Variants in PSMD12 observed in about 807,000 individuals in gnomAD.
PSMD12 encodes the protein 26S proteasome non-ATPase regulatory subunit 12.
In PSMD12, 8 loss-of-function variants were observed where a neutral mutation model predicts 62.9. The observed-to-expected ratio is 0.13, with a 90% CI of 0.07 to 0.23. PSMD12 has a LOEUF of 0.23. Ranked by LOEUF, PSMD12 falls within the 10% of genes least tolerant of loss-of-function variation. PSMD12 has a pLI of 1.00. For synonymous variants in PSMD12, 173 were observed against 187.4 expected, an observed-to-expected ratio of 0.92 and a Z score of 0.63; for missense variants, 424 against 550.2, an observed-to-expected ratio of 0.77 and a Z score of 2.29.
At chr17:67,362,882 T>C (rs916412666) in intron 1 of PSMD12, 1 of 152,084 alleles carries the variant, frequency 6.6e-6, no homozygotes, top group Non-Finnish European at 1.5e-5. Flanking sequence ...TCAATACCTA[T>C]AAAGGCATGC....
Position 67,340,477 on chromosome 17 carries a change from A to C in PSMD12, c.*366T>G, listed in dbSNP as rs1308844551. 1 of 160,478 alleles carries C rather than the reference A, an allele frequency of 6.2e-6. No homozygotes were observed. Among genetic ancestry groups the C allele is most frequent in the African/African-American group, 2.4e-5 (1 of 41,788 alleles). The allele number at this position is 160,478 out of a possible 1,614,324, so 9.9% of individuals were successfully genotyped here. A position where few individuals can be genotyped will look rare whatever the true frequency, so the allele number is the denominator to read the frequency against. On this transcript the variant is annotated 3_prime_UTR_variant, in exon 11 of 11. Coordinates refer to ENST00000356126, the MANE Select transcript of PSMD12 (RefSeq NM_002816.5). ...AATCACTACCCCACAAAATGTTGAG[A>C]ATCAGAGGTAACTGTAGAAAGGAAA...
At chr17:67,361,505 C>T (rs993383774) in intron 1 of PSMD12, among the ~76,000 whole-genome samples, 6 of 152,038 alleles carry the variant, frequency 3.9e-5, no homozygotes, top group African/African-American at 1.4e-4. Flanking sequence ...TCACTTGAAC[C>T]CGGGAACGGG....
In PSMD12 at chr17:67,357,649, G is replaced by T. The variant is rs578186058; in HGVS notation, c.109-71C>A. On this transcript the variant is annotated intron_variant, in intron 1 of 10. Coordinates refer to ENST00000356126, the MANE Select transcript of PSMD12 (RefSeq NM_002816.5). Reference sequence around the variant, plus strand: ...CAAATAACTAGTCTAAAATGAAATGGTTTTGACACAGAAAAGGAAAAATCA... The same window carrying T: ...CAAATAACTAGTCTAAAATGAAATGTTTTTGACACAGAAAAGGAAAAATCA... 1.4e-5 allele frequency: 20 copies of T among 1,475,508 alleles called. No homozygotes were observed. The African/African-American group carries it at 2.4e-4, about 18-fold the overall frequency. 91.4% of individuals were successfully genotyped at this position (1,475,508 alleles called of 1,614,324 possible). A position where few individuals can be genotyped will look rare whatever the true frequency, so the allele number is the denominator to read the frequency against.
chr17:67,360,085 C>T (rs1401241963), intron 1 of PSMD12, among the ~76,000 whole-genome samples: 2 of 151,090 alleles, frequency 1.3e-5, no homozygotes, highest in Non-Finnish European at 2.9e-5. Flanking sequence ...CAGCGCTTCC[C>T]CTACTGTACT....
At chr17:67,348,273 C>A (rs748901861) in intron 5 of PSMD12, among the ~76,000 whole-genome samples, 17 of 152,130 alleles carry the variant, frequency 1.1e-4, no homozygotes, top group Non-Finnish European at 2.4e-4. Context: ...TGCTTTGCAT[C>A]CCCACCAGCA....
At chr17:67,358,372 A>G (rs2042096473) in intron 1 of PSMD12, among the ~76,000 whole-genome samples, 1 of 152,036 alleles carries the variant, frequency 6.6e-6, no homozygotes, top group African/African-American at 2.4e-5. Context: ...GTTCGAGACC[A>G]GGCTGGGCTA....
intron 3 of PSMD12, among the ~76,000 whole-genome samples, chr17:67,353,623 T>G (rs548357483): frequency 3.0e-4 from 45 of 152,290 alleles, no homozygotes; most frequent in African/African-American, 1.1e-3. Flanking sequence ...TTTATTTTCT[T>G]AAAGCTACTT....
At chr17:67,352,388 AT>A (rs1251428649) in intron 3 of PSMD12, among the ~76,000 whole-genome samples, 1 of 152,206 alleles carries the variant, frequency 6.6e-6, no homozygotes, top group Non-Finnish European at 1.5e-5. Flanking sequence ...AACACTGGCT[AT>A]TTAGAGACCC....
At position 67,357,295 on chromosome 17, in the gene PSMD12, G is replaced by T; in HGVS notation, c.297+8C>A. 6.2e-7 allele frequency: 1 copy of T among 1,609,182 alleles called. No homozygotes were observed. The highest frequency in any genetic ancestry group is 1.1e-5 in the South Asian group (1 of 90,192). On this transcript the variant is annotated splice_region_variant and intron_variant, in intron 3 of 10. Transcript: ENST00000356126. ...TTGTGTTTGGAGCAGACATGATCAT[G>T]AACTCACTTGTTTTAACTGACTCCG... is the stretch of plus-strand genomic sequence containing the variant.
At chr17:67,353,311 C>T (rs1007809655) in intron 3 of PSMD12, among the ~76,000 whole-genome samples, 19 of 151,682 alleles carry the variant, frequency 1.3e-4, no homozygotes, top group Non-Finnish European at 2.4e-4. Context: ...TCCTCCTTCC[C>T]CCCGCTCCCT....
chr17:67,345,535 G>A (rs926991547), intron 8 of PSMD12: 23 of 473,144 alleles, frequency 4.9e-5, no homozygotes, highest in East Asian at 2.2e-4. Flanking sequence ...CCGGCTACTC[G>A]GAAGGTTGAG....
Position 67,366,455 on chromosome 17 carries a change from G to A in PSMD12, c.65C>T (p.Ala22Val), listed in dbSNP as rs1304116038. 1 of 1,612,404 alleles carries A rather than the reference G, an allele frequency of 6.2e-7. No individual in the cohort carries two copies. Among genetic ancestry groups the A allele is most frequent in the South Asian group, 1.1e-5 (1 of 91,058 alleles). ...CTCGGGTAGGCGCTGATCCACCGTG[G>A]CGCTGTAGTCCACCTCCATCTTGAC... ...RIVKMEVDYS[A>V]TVDQRLPECA... Residue 22 changes from alanine (A) to valine (V), a missense_variant, in exon 1 of 11, where the codon GCC becomes GTC. Ala to Val is a moderately conservative substitution (Grantham distance 64, BLOSUM62 0). Coordinates refer to ENST00000356126, the MANE Select transcript of PSMD12 (RefSeq NM_002816.5).
rs62086002 is a variant in PSMD12 at position 67,345,860 on chromosome 17, A to G, written c.796-3T>C. The G allele has an allele frequency of 0.21, 333,298 of 1,603,166 alleles. 35,919 individuals are homozygous for G. The highest frequency in any genetic ancestry group is 0.28 in the African/African-American group (21,160 of 74,710). Reference sequence around the variant, plus strand: ...TAGAGTACAACACTCTTCAGAGCCTAAAAGAGTTGTACAACAAGTTATATG... The same window carrying G: ...TAGAGTACAACACTCTTCAGAGCCTGAAAGAGTTGTACAACAAGTTATATG... On this transcript the variant is annotated splice_polypyrimidine_tract_variant and splice_region_variant and intron_variant, in intron 7 of 10. Coordinates refer to ENST00000356126, the MANE Select transcript of PSMD12 (RefSeq NM_002816.5).
chr17:67,341,564 T>C (rs1330700632), intron 10 of PSMD12, among the ~76,000 whole-genome samples: 4 of 150,608 alleles, frequency 2.7e-5, no homozygotes, highest in African/African-American at 9.7e-5. Context: ...GAATAGAATC[T>C]GAGTAGACTC....
chr17:67,359,076 C>A (rs905812753), intron 1 of PSMD12, among the ~76,000 whole-genome samples: 2 of 152,142 alleles, frequency 1.3e-5, no homozygotes, highest in African/African-American at 2.4e-5. Context: ...ACTCATTGGC[C>A]AGGCATGGTG....
chr17:67,362,086 T>C (rs1047579513), intron 1 of PSMD12, among the ~76,000 whole-genome samples: 1 of 151,844 alleles, frequency 6.6e-6, no homozygotes, highest in Non-Finnish European at 1.5e-5. Context: ...CACAAATGGG[T>C]TAAGAGGAAG....
intron 3 of PSMD12, among the ~76,000 whole-genome samples, chr17:67,351,899 C>A (rs1187076234): frequency 2.0e-5 from 3 of 151,532 alleles, no homozygotes; most frequent in Non-Finnish European, 4.4e-5. Context: ...GAGATCGAGA[C>A]CATTCTGGCC....
intron 1 of PSMD12, among the ~76,000 whole-genome samples, chr17:67,358,592 GAAAA>G (rs899513194): frequency 9.6e-5 from 12 of 125,096 alleles, no homozygotes; most frequent in Non-Finnish European, 1.4e-4. Context: ...AAAAAGAAAA[GAAAA>G]AAAAGAAAAA....
rs1043943515 is a variant in PSMD12, at chr17:67,339,699, CTTTAT to C, written c.*1139_*1143del. On this transcript the variant is annotated 3_prime_UTR_variant, in exon 11 of 11. Coordinates refer to ENST00000356126, the MANE Select transcript of PSMD12 (RefSeq NM_002816.5). The stretch of plus-strand genomic sequence containing the variant: ...TTTTTTAAAGTAGACCTCACACTTT[CTTTAT>C]TTAAGTATCATTTTAAATAACCTTC... 16 of 151,826 alleles carry C rather than the reference CTTTAT, an allele frequency of 1.1e-4. 1 individual carries two copies. The highest frequency in any genetic ancestry group is 2.7e-4 in the African/African-American group (11 of 41,246). 9.4% of individuals were successfully genotyped at this position (151,826 alleles called of 1,614,324 possible). A position where few individuals can be genotyped will look rare whatever the true frequency, so the allele number is the denominator to read the frequency against.
Sources: gnomAD v4.1 joint callset for allele counts (sites outside exome capture counted in the v4.1 genomes callset) on GRCh38, gnomAD v4.1.1 for gene constraint, MANE v1.5 for transcripts, NCBI Gene and HGNC (gene_info 2026-07-23, HGNC 2026-07-21) for gene names.